The following BCL7B variants were observed in gnomAD, a reference collection of about 807,000 sequenced individuals.
The protein encoded by BCL7B is BAF chromatin remodeling complex subunit BCL7B.
A neutral mutation model predicts 26.5 loss-of-function variants in BCL7B; 11 were observed. The observed-to-expected ratio is 0.42, with a 90% CI of 0.26 to 0.69. The LOEUF (loss-of-function observed/expected upper bound fraction) is 0.69, where lower values mean the gene tolerates loss of function less well. Ranked by LOEUF, BCL7B falls within the 30% of genes least tolerant of loss-of-function variation. BCL7B has a pLI of 0.28. For missense variants in BCL7B, 215 were observed against 264.4 expected, an observed-to-expected ratio of 0.81 and a Z score of 1.30; for synonymous variants, 111 against 107.9, an observed-to-expected ratio of 1.03 and a Z score of -0.18.
intron 2 of BCL7B, among the ~76,000 whole-genome samples, chr7:73,545,958 C>T (rs1583992951): frequency 6.6e-6 from 1 of 151,932 alleles, no homozygotes; most frequent in African/African-American, 2.4e-5. Context: ...GGTTTTCACC[C>T]GCCTCCACTA....
intron 2 of BCL7B, among the ~76,000 whole-genome samples, chr7:73,548,185 T>C (rs1792025272): frequency 6.6e-6 from 1 of 151,588 alleles, no homozygotes; most frequent in Non-Finnish European, 1.5e-5. Context: ...ATCCCAGCAC[T>C]TCGGAAGGCG....
intron 2 of BCL7B, among the ~76,000 whole-genome samples, chr7:73,546,611 T>C (rs1368044819): frequency 6.6e-6 from 1 of 150,656 alleles, no homozygotes; most frequent in Non-Finnish European, 1.5e-5. Flanking sequence ...GAGGCTGCAG[T>C]GAGATGAGAT....
chr7:73,557,304 G>T, intron 1 of BCL7B, 183 bp downstream of exon 1: 1 of 1,161,798 alleles, frequency 8.6e-7, no homozygotes, highest in African/African-American at 1.6e-5. Context: ...GAGGACCGCT[G>T]ATTGGCCGCG....
At chr7:73,552,880 T>A (rs541787984) in intron 1 of BCL7B, among the ~76,000 whole-genome samples, 2 of 152,226 alleles carry the variant, frequency 1.3e-5, no homozygotes, top group Non-Finnish European at 2.9e-5. Flanking sequence ...TTTGAGTGCT[T>A]TTCTCTTTAC....
chr7:73,537,473 C>G (rs1275651415), intron 5 of BCL7B, 83 bp from the exon 6 acceptor site: 1 of 983,044 alleles, frequency 1.0e-6, no homozygotes, highest in Non-Finnish European at 1.6e-6. Context: ...AATGGGATGT[C>G]CACTCTGCTC....
chr7:73,549,356 G>T (rs1184356579), intron 2 of BCL7B, among the ~76,000 whole-genome samples: 1 of 152,168 alleles, frequency 6.6e-6, no homozygotes, highest in Non-Finnish European at 1.5e-5. Flanking sequence ...CACGAAAATA[G>T]ATACTTTATC....
chr7:73,557,568 C>A lies in BCL7B; in HGVS notation c.11G>T (p.Arg4Leu). MSG[R>L]SVRAETRSRA... ...GCTGCGGGTCTCCGCCCGGACCGACCGGCCCGACATGGCGGCGGCGGGAGC... is the reference window on the plus strand; with the variant it reads ...GCTGCGGGTCTCCGCCCGGACCGACAGGCCCGACATGGCGGCGGCGGGAGC... Residue 4 changes from arginine (R) to leucine (L), a missense_variant, in exon 1 of 6, where the codon CGG (arginine) becomes CTG (leucine). Physicochemically the swap from Arg to Leu is moderately radical, Grantham distance 102. Transcript: ENST00000223368. 7.4e-7 allele frequency: 1 copy of A among 1,354,070 alleles called. No individual in the cohort carries two copies. The highest frequency in any genetic ancestry group is 2.9e-5 in the Admixed American group (1 of 34,502). The allele number at this position is 1,354,070 out of a possible 1,614,324, so 83.9% of individuals were successfully genotyped here.
chr7:73,544,123 T>C (rs1791871175), intron 2 of BCL7B, among the ~76,000 whole-genome samples: 1 of 151,964 alleles, frequency 6.6e-6, no homozygotes, highest in African/African-American at 2.4e-5. Context: ...CCTCATCCAT[T>C]CAAAACGACC....
Position 73,552,157 on chromosome 7 carries a change from C to T in BCL7B, c.168+10G>A, listed in dbSNP as rs1554584225. On this transcript the variant is annotated intron_variant, in intron 2 of 5. Transcript: ENST00000223368. Reference sequence around the variant, plus strand: ...GAAAATGGTATCTTTTGATTTTCTTCCACACTTACCTCCTTGCTGTCTGTC... The same window carrying T: ...GAAAATGGTATCTTTTGATTTTCTTTCACACTTACCTCCTTGCTGTCTGTC... 2 of 1,600,460 alleles carry T rather than the reference C, an allele frequency of 1.2e-6. No homozygotes were observed. The highest frequency in any genetic ancestry group is 1.7e-6 in the Non-Finnish European group (2 of 1,173,700).
At chr7:73,538,889 A>AGAAGGACT (rs1306896720) in intron 4 of BCL7B, among the ~76,000 whole-genome samples, 4 of 152,062 alleles carry the variant, frequency 2.6e-5, no homozygotes, top group African/African-American at 9.7e-5. Flanking sequence ...TGCTGAAAAT[A>AGAAGGACT]GAAGGACTTA....
At chr7:73,556,076 G>A (rs1563434809) in intron 1 of BCL7B, among the ~76,000 whole-genome samples, 1 of 152,124 alleles carries the variant, frequency 6.6e-6, no homozygotes, top group South Asian at 2.1e-4. Flanking sequence ...GGGGAGAAGA[G>A]AAAGGTGTAC....
At chr7:73,548,133 T>C (rs1448609021) in intron 2 of BCL7B, among the ~76,000 whole-genome samples, 2 of 151,490 alleles carry the variant, frequency 1.3e-5, no homozygotes, top group African/African-American at 4.9e-5. Context: ...TGTAGGTGCA[T>C]GAAATTTTAG....
chr7:73,544,640 A>C (rs895660722), intron 2 of BCL7B, among the ~76,000 whole-genome samples: 1 of 152,024 alleles, frequency 6.6e-6, no homozygotes. Context: ...AGAAACAAAC[A>C]AAAAAACCCA....
intron 3 of BCL7B, among the ~76,000 whole-genome samples, chr7:73,541,101 C>T (rs1291566644): frequency 1.3e-5 from 2 of 151,996 alleles, no homozygotes; most frequent in Admixed American, 6.6e-5. Flanking sequence ...GAGCTGAGAT[C>T]GTGCCATTGC....
rs1227282719 is a variant in BCL7B, at chr7:73,540,204, T to C, written c.266-152A>G. 26 of 789,134 alleles carry C rather than the reference T, an allele frequency of 3.3e-5. No homozygotes were observed. The Middle Eastern group carries it at 9.5e-4, about 29-fold the overall frequency. The allele number at this position is 789,134 out of a possible 1,614,324, so 48.9% of individuals were successfully genotyped here. Reference sequence around the variant, plus strand: ...TGTGCCCGGCCTACACGACATAGATTCTAAGCACCAGAGGCAGCCAGAATC... The same window carrying C: ...TGTGCCCGGCCTACACGACATAGATCCTAAGCACCAGAGGCAGCCAGAATC... On this transcript the variant is annotated intron_variant, in intron 3 of 5. Coordinates refer to ENST00000223368, the MANE Select transcript of BCL7B (RefSeq NM_001707.4).
chr7:73,542,647 GTACC>G (rs1269923165), intron 3 of BCL7B, among the ~76,000 whole-genome samples: 6 of 152,182 alleles, frequency 3.9e-5, no homozygotes, highest in African/African-American at 1.4e-4. Context: ...TTCGTAGACA[GTACC>G]TAGCAGGTAG....
intron 1 of BCL7B, among the ~76,000 whole-genome samples, chr7:73,552,862 C>T (rs775280898): frequency 1.1e-4 from 16 of 152,018 alleles, no homozygotes; most frequent in Non-Finnish European, 1.9e-4. Context: ...TACTTGCATG[C>T]GAGTTACTTT....
rs372970674 is a variant in BCL7B at position 73,552,144 on chromosome 7, T to C, written c.168+23A>G. Reference sequence around the variant, plus strand: ...ATAAAGAAATAAAGAAAATGGTATCTTTTGATTTTCTTCCACACTTACCTC... The same window carrying C: ...ATAAAGAAATAAAGAAAATGGTATCCTTTGATTTTCTTCCACACTTACCTC... On this transcript the variant is annotated intron_variant, in intron 2 of 5. Transcript: ENST00000223368. 3.8e-6 allele frequency: 6 copies of C among 1,578,742 alleles called. No homozygotes were observed. The African/African-American group carries it at 4.1e-5, about 11-fold the overall frequency.
At chr7:73,552,517 G>A (rs565982931) in intron 1 of BCL7B, among the ~76,000 whole-genome samples, 6 of 152,102 alleles carry the variant, frequency 3.9e-5, no homozygotes, top group Non-Finnish European at 8.8e-5. Context: ...AGCGGCTCAC[G>A]CCTGTAAACC....
Sources: allele counts gnomAD v4.1 joint callset (sites outside exome capture counted in the v4.1 genomes callset), GRCh38; gene constraint gnomAD v4.1.1; transcripts MANE v1.5; gene names NCBI Gene and HGNC (gene_info 2026-07-23, HGNC 2026-07-21).